Variants in CCBE1 observed in about 807,000 individuals in gnomAD.
CCBE1 encodes the protein collagen and calcium binding EGF domains 1.
Under a neutral mutation model 50.0 loss-of-function variants are expected in CCBE1, and 37 were observed. The observed-to-expected ratio is 0.74, with a 90% CI of 0.57 to 0.97. CCBE1 has a LOEUF of 0.97. Ranked by LOEUF, CCBE1 falls within the 50% of genes least tolerant of loss-of-function variation. CCBE1 has a pLI of 0.00. For synonymous variants in CCBE1, 234 were observed against 203.7 expected (o/e 1.15, Z -1.27); for missense variants, 538 against 523.8 (o/e 1.03, Z -0.26).
intron 2 of CCBE1, among the ~76,000 whole-genome samples, chr18:59,536,949 GCCA>G (rs1915273824): frequency 7.0e-6 from 1 of 143,794 alleles, no homozygotes; most frequent in East Asian, 2.0e-4. Context: ...CAGAGATTGT[GCCA>G]CTGCACTCCA....
upstream of CCBE1, chr18:59,697,502 G>C: frequency 1.1e-6 from 1 of 931,458 alleles, no homozygotes; most frequent in East Asian, 2.7e-5. Flanking sequence ...GAATATTATG[G>C]GGCTGGGGGG....
intron 2 of CCBE1, among the ~76,000 whole-genome samples, chr18:59,681,718 A>G (rs536268245): frequency 6.6e-6 from 1 of 152,028 alleles, no homozygotes; most frequent in South Asian, 2.1e-4. Flanking sequence ...GGGGAGTAAA[A>G]AGACTTTTTC....
At chr18:59,495,161 A>G (rs1913289741) in intron 2 of CCBE1, among the ~76,000 whole-genome samples, 1 of 151,938 alleles carries the variant, frequency 6.6e-6, no homozygotes, top group South Asian at 2.1e-4. Context: ...CTTCTAGCTC[A>G]TGTTTCTTTT....
intron 2 of CCBE1, among the ~76,000 whole-genome samples, chr18:59,580,928 T>C (rs866337419): frequency 1.3e-4 from 20 of 152,118 alleles, no homozygotes; most frequent in Middle Eastern, 3.2e-3. Context: ...TGCTTTCCAT[T>C]AGAAGCCATC....
rs62095099 is a variant in CCBE1, at chr18:59,471,455, G to C, written c.266-1848C>G. 4.2e-3 allele frequency among the ~76,000 whole-genome samples: 647 copies of C among 152,266 alleles called. 4 individuals carry two copies. Among genetic ancestry groups the C allele is most frequent in the Non-Finnish European group, 6.6e-3 (449 of 68,016 alleles). ...CCAATACAGTTATGATGATATTTTG[G>C]TGCGGTAATTGTTAGTATTTGCACC... On this transcript the variant is annotated intron_variant, in intron 3 of 10. Coordinates refer to ENST00000439986, the MANE Select transcript of CCBE1 (RefSeq NM_133459.4).
At position 59,480,247 on chromosome 18, in the gene CCBE1, C is replaced by T. The variant is rs1402458544; in HGVS notation, c.213-9G>A. On this transcript the variant is annotated splice_polypyrimidine_tract_variant and intron_variant, in intron 2 of 10. Transcript: ENST00000439986. ...CTTTGCAGCACTTTTTCCTAAGAGA[C>T]AAACAAACATTTAAAATATAATAAT... 1 of 1,567,232 alleles carries T rather than the reference C, an allele frequency of 6.4e-7. No homozygotes were observed.
chr18:59,450,062 G>A (rs1910859487), intron 6 of CCBE1, among the ~76,000 whole-genome samples: 1 of 152,180 alleles, frequency 6.6e-6, no homozygotes. Context: ...ACGATGGGCT[G>A]TGGGATGCCA....
intron 2 of CCBE1, among the ~76,000 whole-genome samples, chr18:59,567,618 C>T (rs545810265): frequency 6.6e-6 from 1 of 152,266 alleles, no homozygotes; most frequent in South Asian, 2.1e-4. Context: ...TGTAGCAATT[C>T]TATCAGTGAC....
intron 2 of CCBE1, among the ~76,000 whole-genome samples, chr18:59,687,769 G>T (rs1315072520): frequency 1.3e-5 from 2 of 151,180 alleles, no homozygotes; most frequent in African/African-American, 4.9e-5. Flanking sequence ...GACCAGCCTG[G>T]CCAACATGGC....
intron 2 of CCBE1, among the ~76,000 whole-genome samples, chr18:59,674,837 C>T (rs1487546196): frequency 6.6e-6 from 1 of 152,026 alleles, no homozygotes; most frequent in Non-Finnish European, 1.5e-5. Context: ...GGTTTAGGGT[C>T]TATAAAATTT....
intron 2 of CCBE1, among the ~76,000 whole-genome samples, chr18:59,521,108 T>C (rs920115977): frequency 6.6e-6 from 1 of 152,246 alleles, no homozygotes; most frequent in Admixed American, 6.5e-5. Flanking sequence ...TAACCCTCAC[T>C]GCCAATAATC....
chr18:59,552,362 A>G (rs752500132), intron 2 of CCBE1, among the ~76,000 whole-genome samples: 32 of 152,194 alleles, frequency 2.1e-4, no homozygotes, highest in Non-Finnish European at 3.5e-4. Context: ...ACACACGTAG[A>G]GTGTTTCGTC....
chr18:59,539,564 T>C (rs2144377219), intron 2 of CCBE1, among the ~76,000 whole-genome samples: 1 of 152,354 alleles, frequency 6.6e-6, no homozygotes, highest in East Asian at 1.9e-4. Context: ...ACATGTGTTA[T>C]TTTAAGCTGC....
chr18:59,609,406 A>AT (rs1012498438), intron 2 of CCBE1, among the ~76,000 whole-genome samples: 29 of 152,186 alleles, frequency 1.9e-4, no homozygotes, highest in African/African-American at 7.0e-4. Context: ...ATCCACCCTC[A>AT]TCACCATTAG....
chr18:59,520,171 C>T (rs973876144), intron 2 of CCBE1, among the ~76,000 whole-genome samples: 4 of 152,022 alleles, frequency 2.6e-5, no homozygotes, highest in South Asian at 2.1e-4. Context: ...TTTTTGGTTC[C>T]GTATGAAATT....
chr18:59,452,697 C>T (rs1415786618), intron 6 of CCBE1, among the ~76,000 whole-genome samples: 1 of 152,212 alleles, frequency 6.6e-6, no homozygotes, highest in Non-Finnish European at 1.5e-5. Context: ...ACGGTTATTG[C>T]ACCTCTCTAA....
At position 59,434,757 on chromosome 18, in the gene CCBE1, TC is replaced by T. The variant is rs951354824; in HGVS notation, c.*1150del. The T allele has an allele frequency of 1.1e-4, 17 of 152,084 alleles. No homozygotes were observed. The highest frequency in any genetic ancestry group is 2.5e-4 in the Non-Finnish European group (17 of 68,020). The allele number at this position is 152,084 out of a possible 1,614,324, so 9.4% of individuals were successfully genotyped here. A position where few individuals can be genotyped will look rare whatever the true frequency, so the allele number is the denominator to read the frequency against. ...CAAGGAAAACCACTATTTTTTTTTCTCCCCATCCAAGATAACTTTCAATAGT... is the reference window on the plus strand; with the variant it reads ...CAAGGAAAACCACTATTTTTTTTTCTCCCATCCAAGATAACTTTCAATAGT... On this transcript the variant is annotated 3_prime_UTR_variant, in exon 11 of 11. Coordinates refer to ENST00000439986, the MANE Select transcript of CCBE1 (RefSeq NM_133459.4).
At chr18:59,594,454 G>A (rs1277278626) in intron 2 of CCBE1, among the ~76,000 whole-genome samples, 2 of 152,190 alleles carry the variant, frequency 1.3e-5, no homozygotes, top group East Asian at 3.9e-4. Context: ...GAAACTCAAA[G>A]TGTACTGGAG....
At chr18:59,559,976 T>A (rs1296990176) in intron 2 of CCBE1, among the ~76,000 whole-genome samples, 1 of 152,090 alleles carries the variant, frequency 6.6e-6, no homozygotes, top group Non-Finnish European at 1.5e-5. Context: ...GACAATGGAC[T>A]TTCACAGTGT....
Sources: gnomAD v4.1 joint callset for allele counts (sites outside exome capture counted in the v4.1 genomes callset) on GRCh38, gnomAD v4.1.1 for gene constraint, MANE v1.5 for transcripts, NCBI Gene and HGNC (gene_info 2026-07-23, HGNC 2026-07-21) for gene names.